The following CA10 variants were observed in gnomAD, a reference collection of about 807,000 sequenced individuals.
The protein encoded by CA10 is carbonic anhydrase 10 (inactive).
In CA10, 14 loss-of-function variants were observed where a neutral mutation model predicts 44.2. That is an observed-to-expected ratio of 0.32 (90% CI 0.21 to 0.50). The LOEUF (loss-of-function observed/expected upper bound fraction) is 0.50. Among genes scored for constraint, CA10 ranks in the 20% least tolerant of loss-of-function variants. The pLI is 0.99. For synonymous variants in CA10, 159 were observed against 141.6 expected, an observed-to-expected ratio of 1.12 and a Z score of -0.87; for missense variants, 350 against 409.7, an observed-to-expected ratio of 0.85 and a Z score of 1.26.
At chr17:52,073,571 A>G (rs2970044) in intron 1 of CA10, among the ~76,000 whole-genome samples, 149,724 of 152,282 alleles carry the variant, frequency 0.98, 73,650 homozygotes, top group South Asian at 1. Flanking sequence ...AAAACAAATA[A>G]AAGAGAGACA....
chr17:51,776,932 G>C (rs1905843424), intron 3 of CA10, among the ~76,000 whole-genome samples: 2 of 152,192 alleles, frequency 1.3e-5, no homozygotes, highest in South Asian at 2.1e-4. Context: ...CCTGCGATTG[G>C]GCAGAGCAGA....
intron 2 of CA10, among the ~76,000 whole-genome samples, chr17:52,025,162 T>C (rs1284010597): frequency 6.6e-6 from 1 of 152,054 alleles, no homozygotes; most frequent in African/African-American, 2.4e-5. Context: ...AGTCTGATAT[T>C]TACTGCTTTT....
chr17:52,151,124 G>A (rs567162072), intron 1 of CA10, among the ~76,000 whole-genome samples: 26 of 152,088 alleles, frequency 1.7e-4, no homozygotes, highest in African/African-American at 3.9e-4. Flanking sequence ...ACCTGATTAC[G>A]TCATTTTCCT....
At chr17:51,845,387 G>A (rs1379999924) in intron 3 of CA10, among the ~76,000 whole-genome samples, 1 of 152,194 alleles carries the variant, frequency 6.6e-6, no homozygotes, top group Non-Finnish European at 1.5e-5. Flanking sequence ...AGGCCCCATG[G>A]TGAGGAACTG....
chr17:52,017,436 C>A (rs1986003283), intron 2 of CA10, among the ~76,000 whole-genome samples: 1 of 152,016 alleles, frequency 6.6e-6, no homozygotes, highest in African/African-American at 2.4e-5. Context: ...TAAAGTTTAC[C>A]CATGTTGTGT....
intron 2 of CA10, among the ~76,000 whole-genome samples, chr17:52,054,288 G>C (rs1169080285): frequency 6.6e-6 from 1 of 152,136 alleles, no homozygotes; most frequent in Non-Finnish European, 1.5e-5. Context: ...GTACATAAGG[G>C]ATGAAATAAG....
At chr17:51,942,156 C>T (rs189995360) in intron 2 of CA10, among the ~76,000 whole-genome samples, 1 of 152,160 alleles carries the variant, frequency 6.6e-6, no homozygotes, top group East Asian at 1.9e-4. Context: ...ATAGAAACCT[C>T]CAGCTGTTCC....
intron 3 of CA10, among the ~76,000 whole-genome samples, chr17:51,751,784 A>G (rs185441746): frequency 6.6e-6 from 1 of 152,356 alleles, no homozygotes; most frequent in East Asian, 1.9e-4. Flanking sequence ...ACCCCAAACC[A>G]GAAGCAGGAA....
chr17:51,947,704 T>C (rs1251560723), intron 2 of CA10, among the ~76,000 whole-genome samples: 4 of 152,100 alleles, frequency 2.6e-5, no homozygotes. Context: ...GCCCCTCTTG[T>C]AGCACCATGT....
chr17:52,003,037 G>A (rs1482465665), intron 2 of CA10, among the ~76,000 whole-genome samples: 2 of 151,910 alleles, frequency 1.3e-5, no homozygotes, highest in African/African-American at 4.8e-5. Context: ...AATGAGGTTT[G>A]CTGTCTCCAA....
chr17:52,042,563 CTTGA>C (rs902929715), intron 2 of CA10, among the ~76,000 whole-genome samples: 109 of 151,818 alleles, frequency 7.2e-4, no homozygotes, highest in African/African-American at 2.6e-3. Context: ...GCCTTTTCAT[CTTGA>C]TTTTTTTCTT....
At chr17:51,900,775 A>G (rs1454776028) in intron 3 of CA10, among the ~76,000 whole-genome samples, 1 of 152,078 alleles carries the variant, frequency 6.6e-6, no homozygotes, top group African/African-American at 2.4e-5. Context: ...GAGCTCTGCA[A>G]TTCTTTCCTC....
At chr17:52,150,909 T>C (rs8072151) in intron 1 of CA10, among the ~76,000 whole-genome samples, 9,224 of 152,098 alleles carry the variant, frequency 0.061, 783 homozygotes, top group African/African-American at 0.19. Context: ...TAAATGAGGG[T>C]CACGAGAGAT....
intron 2 of CA10, among the ~76,000 whole-genome samples, chr17:51,941,124 C>T (rs1983061487): frequency 6.6e-6 from 1 of 152,072 alleles, no homozygotes; most frequent in Non-Finnish European, 1.5e-5. Flanking sequence ...CAAGGTTATT[C>T]AGCCAGTGCA....
chr17:52,063,849 C>T (rs752904016), intron 2 of CA10, among the ~76,000 whole-genome samples: 41 of 152,156 alleles, frequency 2.7e-4, no homozygotes, highest in South Asian at 8.3e-4. Flanking sequence ...AATAAGACAG[C>T]CCCCAACATT....
At chr17:51,752,573 C>T (rs1904925443) in intron 3 of CA10, among the ~76,000 whole-genome samples, 1 of 151,946 alleles carries the variant, frequency 6.6e-6, no homozygotes, top group Admixed American at 6.6e-5. Flanking sequence ...CTTCTGATTC[C>T]AAGACTAATG....
intron 3 of CA10, among the ~76,000 whole-genome samples, chr17:51,794,011 T>C (rs2143702586): frequency 6.6e-6 from 1 of 152,306 alleles, no homozygotes; most frequent in African/African-American, 2.4e-5. Context: ...CTCTGCAAAG[T>C]CAACAGATGC....
At chr17:51,889,382 G>C (rs936836736) in intron 3 of CA10, among the ~76,000 whole-genome samples, 1 of 152,144 alleles carries the variant, frequency 6.6e-6, no homozygotes, top group Non-Finnish European at 1.5e-5. Context: ...AAATTAGCTA[G>C]GTGTTGGGGT....
At chr17:51,785,186 C>T (rs1906219029) in intron 3 of CA10, among the ~76,000 whole-genome samples, 1 of 152,162 alleles carries the variant, frequency 6.6e-6, no homozygotes, top group African/African-American at 2.4e-5. Flanking sequence ...CTGATGGACA[C>T]TTAGGTTGCT....
Sources: allele counts gnomAD v4.1 joint callset (sites outside exome capture counted in the v4.1 genomes callset), GRCh38; gene constraint gnomAD v4.1.1; transcripts MANE v1.5; gene names NCBI Gene and HGNC (gene_info 2026-07-23, HGNC 2026-07-21).